ENTPD5: variants seen among roughly 807,000 people sequenced by gnomAD.
The protein encoded by ENTPD5 is nucleoside diphosphate phosphatase ENTPD5.
A neutral mutation model predicts 60.2 loss-of-function variants in ENTPD5; 49 were observed. The ratio of observed to expected loss-of-function variants is 0.81; its 90% CI spans 0.65 to 1.03. The LOEUF (loss-of-function observed/expected upper bound fraction) is 1.03, where lower values mean the gene tolerates loss of function less well. Among genes scored for constraint, ENTPD5 ranks in the 50% least tolerant of loss-of-function variants. The pLI is 0.00. For missense variants in ENTPD5, 480 were observed against 507.6 expected (o/e 0.95, Z 0.52); for synonymous variants, 187 against 185.4 (o/e 1.01, Z -0.07).
chr14:73,981,050 G>A (rs1176549955), intron 6 of ENTPD5, among the ~76,000 whole-genome samples: 2 of 151,996 alleles, frequency 1.3e-5, no homozygotes, highest in African/African-American at 2.4e-5. Flanking sequence ...AGTGACCTGA[G>A]GTCGCACTAC....
Position 74,015,726 on chromosome 14 carries a change from T to C in ENTPD5, c.-131+98A>G, listed in dbSNP as rs553232490. On this transcript the variant is annotated intron_variant, in intron 2 of 15. Coordinates refer to ENST00000334696, the MANE Select transcript of ENTPD5 (RefSeq NM_001249.5). ...GCTTGTTGGACAAAATTAACATCAC[T>C]TGGCAAAAAACAGAGAATTAAATTC... 2.6e-5 allele frequency: 4 copies of C among 152,030 alleles called. No individual in the cohort carries two copies. The South Asian group carries it at 8.3e-4, about 32-fold the overall frequency. 9.4% of individuals were successfully genotyped at this position (152,030 alleles called of 1,614,324 possible).
At chr14:73,978,871 T>C (rs1045158345) in intron 6 of ENTPD5, among the ~76,000 whole-genome samples, 12 of 151,836 alleles carry the variant, frequency 7.9e-5, no homozygotes, top group African/African-American at 2.7e-4. Context: ...GATAGCGCCA[T>C]TGCACTCCGT....
At chr14:73,993,387 C>A (rs1566748045) in intron 3 of ENTPD5, among the ~76,000 whole-genome samples, 2 of 152,124 alleles carry the variant, frequency 1.3e-5, no homozygotes, top group Non-Finnish European at 1.5e-5. Flanking sequence ...ACTACCAAAG[C>A]AGAGCTGGAA....
At chr14:74,006,812 T>C (rs555444108) in intron 3 of ENTPD5, among the ~76,000 whole-genome samples, 30 of 152,116 alleles carry the variant, frequency 2.0e-4, no homozygotes, top group South Asian at 1.2e-3. Flanking sequence ...CTCAAACCCC[T>C]GGCTTCATGA....
At chr14:74,011,756 G>C (rs2058852981) in intron 2 of ENTPD5, among the ~76,000 whole-genome samples, 1 of 151,982 alleles carries the variant, frequency 6.6e-6, no homozygotes. Flanking sequence ...CGAGATGTGA[G>C]GTCTTTTTTT....
chr14:73,960,837 C>T (rs962746499), downstream of ENTPD5: 10 of 410,338 alleles, frequency 2.4e-5, 1 homozygote, highest in Admixed American at 3.6e-4. Flanking sequence ...TAGAGACGGG[C>T]ATTCTAAGCA....
intron 3 of ENTPD5, among the ~76,000 whole-genome samples, chr14:74,002,383 G>A (rs1269616075): frequency 6.6e-6 from 1 of 152,088 alleles, no homozygotes; most frequent in East Asian, 1.9e-4. Flanking sequence ...CTTCCATCAG[G>A]ATGTGAAAGT....
At position 74,002,513 on chromosome 14, in the gene ENTPD5, A is replaced by G. The variant is rs114977669; in HGVS notation, c.-71+8578T>C. On this transcript the variant is annotated intron_variant, in intron 3 of 15. Coordinates refer to ENST00000334696, the MANE Select transcript of ENTPD5 (RefSeq NM_001249.5). ...AACTCCTGGCCTCATGCAATCCTCTAGCCTCAGCCTCCTGAATAGCTGGGA... is the reference window on the plus strand; with the variant it reads ...AACTCCTGGCCTCATGCAATCCTCTGGCCTCAGCCTCCTGAATAGCTGGGA... Among the ~76,000 whole-genome samples, 1,309 of 151,766 alleles carry G rather than the reference A, an allele frequency of 8.6e-3. 18 individuals are homozygous for G. The highest frequency in any genetic ancestry group is 0.03 in the African/African-American group (1,250 of 41,046).
downstream of ENTPD5, chr14:73,960,308 T>C (rs770173642): frequency 1.0e-6 from 1 of 986,054 alleles, no homozygotes; most frequent in Admixed American, 6.1e-5. Context: ...TTTTGTAAAA[T>C]CCATGGAACA....
At chr14:73,961,384 A>G (rs375153689), downstream of ENTPD5, 22 of 1,614,038 alleles carry the variant, frequency 1.4e-5, no homozygotes, top group African/African-American at 1.6e-4. Flanking sequence ...GGGTAAGACG[A>G]TAACAGAGCA....
chr14:73,969,547 CA>C (rs1286552382), intron 15 of ENTPD5, among the ~76,000 whole-genome samples: 1 of 151,756 alleles, frequency 6.6e-6, no homozygotes, highest in Non-Finnish European at 1.5e-5. Flanking sequence ...AATAAAAATA[CA>C]AAAAAATTAG....
rs2056941374 is a variant in ENTPD5 at position 73,965,600 on chromosome 14, GT to G, written c.*1327del. ...TAGCCAGGAATGGTGGTGGGCACCT[GT>G]AATCCCAGCTCTTCAGGAGGCTGAG... is the stretch of plus-strand genomic sequence containing the variant. On this transcript the variant is annotated 3_prime_UTR_variant, in exon 16 of 16. Coordinates refer to ENST00000334696, the MANE Select transcript of ENTPD5 (RefSeq NM_001249.5). 6.6e-6 allele frequency: 1 copy of G among 152,244 alleles called. No individual in the cohort carries two copies. Among genetic ancestry groups the G allele is most frequent in the South Asian group, 2.1e-4 (1 of 4,836 alleles). The allele number at this position is 152,244 out of a possible 1,614,324, so 9.4% of individuals were successfully genotyped here.
At chr14:74,013,140 G>A (rs192419766) in intron 2 of ENTPD5, among the ~76,000 whole-genome samples, 2 of 152,340 alleles carry the variant, frequency 1.3e-5, no homozygotes, top group East Asian at 3.9e-4. Flanking sequence ...GGTGGGGCCT[G>A]TGAAACTGTA....
chr14:73,976,055 T>C, intron 9 of ENTPD5, 40 bp from the exon 10 acceptor site: 1 of 1,507,780 alleles, frequency 6.6e-7, no homozygotes, highest in Admixed American at 1.7e-5. Flanking sequence ...TCAGGATCTG[T>C]AATTACCTGA....
At position 73,973,972 on chromosome 14, in the gene ENTPD5, T is replaced by C; in HGVS notation, c.791A>G (p.Asp264Gly). ...ACAGGCACTCCGGAAAGTGTGCCCA[T>C]CAGTCCCTGAAAGAATCCAGGGCAC... ...TLGALETEGTDGHTFRSACLP... is the reference protein window; with the variant it reads ...TLGALETEGTGGHTFRSACLP... Residue 264 changes from aspartate to glycine, a missense_variant, in exon 12 of 16, where the codon GAT (aspartate) becomes GGT (glycine). Asp to Gly is a moderately conservative substitution (Grantham distance 94, BLOSUM62 -1). Transcript: ENST00000334696. 1 of 1,613,998 alleles carries C rather than the reference T, an allele frequency of 6.2e-7. No individual in the cohort carries two copies. Among genetic ancestry groups the C allele is most frequent in the Non-Finnish European group, 8.5e-7 (1 of 1,179,906 alleles).
intron 3 of ENTPD5, among the ~76,000 whole-genome samples, chr14:73,999,518 G>A (rs532051447): frequency 2.7e-5 from 4 of 145,954 alleles, no homozygotes; most frequent in Admixed American, 1.4e-4. Context: ...AAGGTAGGCC[G>A]GGCACGGTGG....
chr14:73,984,747 G>C (rs1375846075), intron 5 of ENTPD5, among the ~76,000 whole-genome samples: 1 of 150,740 alleles, frequency 6.6e-6, no homozygotes, highest in African/African-American at 2.4e-5. Context: ...CCCTGACCCT[G>C]GTATTTTTTT....
At chr14:74,005,781 T>C (rs1043748442) in intron 3 of ENTPD5, among the ~76,000 whole-genome samples, 3 of 152,018 alleles carry the variant, frequency 2.0e-5, no homozygotes, top group Non-Finnish European at 2.9e-5. Context: ...CACTCCAGCC[T>C]GGGAGACAGA....
rs574981487 is a variant in ENTPD5 at position 73,977,513 on chromosome 14, C to T, written c.442-139G>A. On this transcript the variant is annotated intron_variant, in intron 6 of 15. Coordinates refer to ENST00000334696, the MANE Select transcript of ENTPD5 (RefSeq NM_001249.5). ...AATTTTGGCAAAACTCATTCCTTTG[C>T]CCTAAGAAACTAGAGAAGAAACTAG... The T allele has an allele frequency of 1.0e-5, 6 of 592,110 alleles. No homozygotes were observed. In the South Asian group the frequency reaches 1.2e-4, roughly 12 times the overall value. The allele number at this position is 592,110 out of a possible 1,614,324, so 36.7% of individuals were successfully genotyped here. A position where few individuals can be genotyped will look rare whatever the true frequency, so the allele number is the denominator to read the frequency against.
Sources: gnomAD v4.1 joint callset for allele counts (sites outside exome capture counted in the v4.1 genomes callset) on GRCh38, gnomAD v4.1.1 for gene constraint, MANE v1.5 for transcripts, NCBI Gene and HGNC (gene_info 2026-07-23, HGNC 2026-07-21) for gene names.